Variants in ITGA9 observed in about 807,000 individuals in gnomAD.
The protein encoded by ITGA9 is integrin subunit alpha 9.
A neutral mutation model predicts 127.8 loss-of-function variants in ITGA9; 56 were observed. That is an observed-to-expected ratio of 0.44 (90% confidence interval 0.35 to 0.55). The LOEUF (loss-of-function observed/expected upper bound fraction) is 0.55. Ranked by LOEUF, ITGA9 falls within the 20% of genes least tolerant of loss-of-function variation. The probability of loss-of-function intolerance (pLI) is 0.00; values close to 1 mark genes in which losing one functional copy is unlikely to be tolerated. For synonymous variants in ITGA9, 508 were observed against 514.5 expected (o/e 0.99, Z 0.17); for missense variants, 1,196 against 1,347.1 (o/e 0.89, Z 1.76).
chr3:37,748,765 AAAG>A (rs1487185992), intron 22 of ITGA9: 8 of 645,296 alleles, frequency 1.2e-5, no homozygotes, highest in South Asian at 5.2e-5. Flanking sequence ...AAAAAAAAAA[AAAG>A]AAGGAAGCCA....
chr3:37,672,608 T>C (rs1386275181), intron 17 of ITGA9, among the ~76,000 whole-genome samples: 5 of 151,966 alleles, frequency 3.3e-5, no homozygotes, highest in African/African-American at 1.2e-4. Context: ...GATAAGGTGG[T>C]AAGCTTTGAA....
intron 18 of ITGA9, among the ~76,000 whole-genome samples, chr3:37,697,728 T>C (rs549917032): frequency 2.0e-5 from 3 of 152,294 alleles, no homozygotes; most frequent in Admixed American, 6.5e-5. Flanking sequence ...CTTAATCTAG[T>C]CTATTATTGA....
At chr3:37,667,699 A>G (rs532723396) in intron 17 of ITGA9, among the ~76,000 whole-genome samples, 1 of 152,222 alleles carries the variant, frequency 6.6e-6, no homozygotes, top group Non-Finnish European at 1.5e-5. Context: ...AAGTTCTTCC[A>G]GGTTGGGGGA....
intron 18 of ITGA9, among the ~76,000 whole-genome samples, chr3:37,728,721 G>A (rs1429704753): frequency 1.3e-5 from 2 of 151,824 alleles, no homozygotes; most frequent in African/African-American, 4.8e-5. Flanking sequence ...CCACCTGGGA[G>A]CAAATGCCTA....
intron 27 of ITGA9, among the ~76,000 whole-genome samples, chr3:37,815,789 A>T (rs1051991972): frequency 6.6e-6 from 1 of 152,182 alleles, no homozygotes; most frequent in African/African-American, 2.4e-5. Context: ...CTTAAAAGCA[A>T]TATCCATCTA....
Position 37,519,326 on chromosome 3 carries a change from C to A in ITGA9, c.1208C>A (p.Ala403Asp). 1 of 1,613,870 alleles carries A rather than the reference C, an allele frequency of 6.2e-7. No homozygotes were observed. The highest frequency in any genetic ancestry group is 8.5e-7 in the Non-Finnish European group (1 of 1,179,828). The part of the protein sequence containing the change: ...AGAVYIYHGD[A>D]GGIVPQYSMK... ...GCGGTCTATATCTATCATGGTGATG[C>A]CGGTGGGATAGTCCCTCAGTACTCA... Residue 403 changes from alanine to aspartate, a missense_variant, in exon 11 of 28, where the codon GCC (alanine) becomes GAC (aspartate). Physicochemically the swap from Ala to Asp is moderately radical, Grantham distance 126. Coordinates refer to ENST00000264741, the MANE Select transcript of ITGA9 (RefSeq NM_002207.3).
At chr3:37,494,774 G>A (rs1326645785) in intron 5 of ITGA9, among the ~76,000 whole-genome samples, 3 of 152,186 alleles carry the variant, frequency 2.0e-5, no homozygotes, top group Non-Finnish European at 4.4e-5. Flanking sequence ...GGCAGAGGAG[G>A]TGGGGTGGCT....
intron 22 of ITGA9, among the ~76,000 whole-genome samples, chr3:37,747,951 A>T (rs1696525823): frequency 2.6e-5 from 4 of 152,152 alleles, no homozygotes; most frequent in African/African-American, 9.6e-5. Context: ...CACGTTGCCC[A>T]GCTGGTCTCA....
intron 1 of ITGA9, among the ~76,000 whole-genome samples, chr3:37,467,418 G>C (rs1437728652): frequency 1.3e-5 from 2 of 152,148 alleles, no homozygotes; most frequent in Non-Finnish European, 2.9e-5. Flanking sequence ...TGTAAACTTT[G>C]TCCCTGTCAG....
chr3:37,771,567 G>A (rs754339779), intron 23 of ITGA9, among the ~76,000 whole-genome samples: 12 of 151,982 alleles, frequency 7.9e-5, no homozygotes, highest in South Asian at 6.3e-4. Context: ...CATCAAGAGC[G>A]TCTGTACCAC....
chr3:37,547,084 TGTGAGGATCA>T (rs1381546342), intron 15 of ITGA9, among the ~76,000 whole-genome samples: 1 of 152,200 alleles, frequency 6.6e-6, no homozygotes, highest in Non-Finnish European at 1.5e-5. Context: ...CATTCCCTAC[TGTGAGGATCA>T]GTGACACCCT....
chr3:37,679,338 G>T (rs1008798772), intron 17 of ITGA9, among the ~76,000 whole-genome samples: 1 of 152,188 alleles, frequency 6.6e-6, no homozygotes, highest in Non-Finnish European at 1.5e-5. Flanking sequence ...TACTATTTCA[G>T]CAGGACTGTC....
intron 25 of ITGA9, among the ~76,000 whole-genome samples, chr3:37,782,049 C>T (rs1696980595): frequency 6.6e-6 from 1 of 152,216 alleles, no homozygotes. Flanking sequence ...CTTAGAGCAC[C>T]ACTGGCCATC....
intron 27 of ITGA9, among the ~76,000 whole-genome samples, chr3:37,813,646 G>A (rs746704161): frequency 2.6e-5 from 4 of 152,170 alleles, no homozygotes; most frequent in Non-Finnish European, 5.9e-5. Flanking sequence ...ATTACTTTCG[G>A]TGACTTGTTC....
At chr3:37,644,827 T>A (rs553200380) in intron 16 of ITGA9, among the ~76,000 whole-genome samples, 6 of 152,334 alleles carry the variant, frequency 3.9e-5, no homozygotes, top group Admixed American at 2.0e-4. Flanking sequence ...TTCCTCAGCT[T>A]TAATTTCATG....
intron 18 of ITGA9, among the ~76,000 whole-genome samples, chr3:37,686,250 G>A (rs1371248329): frequency 6.6e-6 from 1 of 152,066 alleles, no homozygotes; most frequent in Admixed American, 6.5e-5. Context: ...AGGGGCGAGG[G>A]AGCAGGGAGG....
intron 5 of ITGA9, among the ~76,000 whole-genome samples, chr3:37,495,029 A>G (rs1254136518): frequency 6.6e-6 from 1 of 152,102 alleles, no homozygotes; most frequent in East Asian, 1.9e-4. Context: ...GCTGGAGTGC[A>G]GTGGCATGAT....
intron 9 of ITGA9, 22 bp from the exon 10 acceptor site, chr3:37,517,482 T>C: frequency 6.6e-7 from 1 of 1,519,280 alleles, no homozygotes; most frequent in Non-Finnish European, 9.0e-7. Flanking sequence ...TTTTCCATTT[T>C]CTCCTCCATC....
intron 19 of ITGA9, among the ~76,000 whole-genome samples, chr3:37,736,257 G>A (rs984164946): frequency 5.3e-5 from 8 of 152,024 alleles, no homozygotes; most frequent in East Asian, 1.9e-4. Context: ...AACATTCAGC[G>A]CATAAGACTT....
Sources: gnomAD v4.1 joint callset for allele counts (sites outside exome capture counted in the v4.1 genomes callset) on GRCh38, gnomAD v4.1.1 for gene constraint, MANE v1.5 for transcripts, NCBI Gene and HGNC (gene_info 2026-07-23, HGNC 2026-07-21) for gene names.